Variants in PLCB1 observed in about 807,000 individuals in gnomAD.
The protein encoded by PLCB1 is phospholipase C beta 1, also known as 1-phosphatidylinositol 4,5-bisphosphate phosphodiesterase beta-1.
Under a neutral mutation model 161.8 loss-of-function variants are expected in PLCB1, and 46 were observed. The observed-to-expected ratio is 0.28, with a 90% CI of 0.22 to 0.36. The LOEUF (loss-of-function observed/expected upper bound fraction) is 0.36, where lower values mean the gene tolerates loss of function less well. Ranked by LOEUF, PLCB1 falls within the 10% of genes least tolerant of loss-of-function variation. The pLI is 1.00. For missense variants in PLCB1, 1,016 were observed against 1,472.5 expected (o/e 0.69, Z 5.07); for synonymous variants, 517 against 503.7 (o/e 1.03, Z -0.35).
intron 4 of PLCB1, among the ~76,000 whole-genome samples, chr20:8,638,627 G>A (rs6077401): frequency 0.14 from 22,024 of 152,108 alleles, 1,587 homozygotes; most frequent in Middle Eastern, 0.21. Flanking sequence ...GAACTAGGAC[G>A]TAGAAGTGAT....
chr20:8,836,768 T>A (rs1462796428), intron 31 of PLCB1, among the ~76,000 whole-genome samples: 1 of 152,160 alleles, frequency 6.6e-6, no homozygotes, highest in Non-Finnish European at 1.5e-5. Flanking sequence ...TGTAAAGAGA[T>A]TGGCTTCTAT....
chr20:8,569,860 C>A (rs1259775401), intron 3 of PLCB1, among the ~76,000 whole-genome samples: 1 of 152,090 alleles, frequency 6.6e-6, no homozygotes, highest in Non-Finnish European at 1.5e-5. Flanking sequence ...AATTTACTAC[C>A]AGTGTCAATT....
At chr20:8,290,243 T>G (rs1163412674) in intron 2 of PLCB1, among the ~76,000 whole-genome samples, 3 of 152,198 alleles carry the variant, frequency 2.0e-5, no homozygotes, top group African/African-American at 7.2e-5. Flanking sequence ...TGGATTACTC[T>G]GTCTTGGTTT....
chr20:8,261,025 G>T (rs183335988), intron 2 of PLCB1, among the ~76,000 whole-genome samples: 1 of 152,258 alleles, frequency 6.6e-6, no homozygotes, highest in East Asian at 1.9e-4. Flanking sequence ...CCCTTGTGTT[G>T]CAATCCATGC....
At chr20:8,758,905 G>A (rs1419244996) in intron 24 of PLCB1, among the ~76,000 whole-genome samples, 2 of 152,126 alleles carry the variant, frequency 1.3e-5, no homozygotes, top group East Asian at 1.9e-4. Context: ...GGGATCATGG[G>A]GCAATCATCA....
intron 31 of PLCB1, among the ~76,000 whole-genome samples, chr20:8,861,644 C>T (rs575105756): frequency 3.8e-4 from 57 of 150,426 alleles, no homozygotes; most frequent in African/African-American, 1.3e-3. Context: ...GCAGGAGAAT[C>T]GCTTGAACCC....
intron 3 of PLCB1, among the ~76,000 whole-genome samples, chr20:8,523,769 G>A (rs995824409): frequency 7.3e-5 from 11 of 151,556 alleles, no homozygotes; most frequent in South Asian, 2.1e-4. Flanking sequence ...AGATCATTGC[G>A]CATTGGGAGG....
At chr20:8,555,208 T>G (rs1985911022) in intron 3 of PLCB1, among the ~76,000 whole-genome samples, 1 of 152,066 alleles carries the variant, frequency 6.6e-6, no homozygotes, top group Admixed American at 6.6e-5. Flanking sequence ...CTGCTGTTTT[T>G]GCTGACTTCA....
chr20:8,289,769 A>C (rs952792222), intron 2 of PLCB1, among the ~76,000 whole-genome samples: 2 of 152,192 alleles, frequency 1.3e-5, no homozygotes, highest in Non-Finnish European at 2.9e-5. Context: ...TTGAACGAGC[A>C]TGACTCAATG....
intron 6 of PLCB1, 84 bp downstream of exon 6, chr20:8,648,037 A>G (rs1989213864): frequency 2.0e-6 from 2 of 1,014,796 alleles, no homozygotes; most frequent in Non-Finnish European, 2.9e-6. Flanking sequence ...TTGTTTCTCC[A>G]GCAGCCTAAG....
rs1179789469 is a variant in PLCB1 at position 8,558,919 on chromosome 20, C to A, written c.247-69375C>A. 5.9e-5 allele frequency among the ~76,000 whole-genome samples: 9 copies of A among 151,902 alleles called. No individual in the cohort carries two copies. The East Asian group carries it at 1.7e-3, about 29-fold the overall frequency. ...GCTGATAGAGTTTTTCACAAGTAGACCTGTCCTACAAGAAATGGTAAGGAG... is the reference window on the plus strand; with the variant it reads ...GCTGATAGAGTTTTTCACAAGTAGAACTGTCCTACAAGAAATGGTAAGGAG... On this transcript the variant is annotated intron_variant, in intron 3 of 31. Transcript: ENST00000338037.
intron 6 of PLCB1, 62 bp downstream of exon 6, chr20:8,648,015 C>A: frequency 8.2e-7 from 1 of 1,224,578 alleles, no homozygotes; most frequent in Non-Finnish European, 1.1e-6. Flanking sequence ...GAATCCATGC[C>A]ATGGCTCTGT....
At chr20:8,763,601 G>A (rs1982156781) in intron 25 of PLCB1, among the ~76,000 whole-genome samples, 2 of 151,858 alleles carry the variant, frequency 1.3e-5, no homozygotes, top group African/African-American at 4.8e-5. Flanking sequence ...TGGCCAGGCT[G>A]GTCTCGAACT....
chr20:8,410,971 C>T (rs559501064), intron 3 of PLCB1, among the ~76,000 whole-genome samples: 10 of 152,300 alleles, frequency 6.6e-5, no homozygotes, highest in Middle Eastern at 3.4e-3. Flanking sequence ...CTGAATCTCC[C>T]GTAGCAGCGT....
At chr20:8,616,940 G>A (rs998036261) in intron 3 of PLCB1, among the ~76,000 whole-genome samples, 48 of 152,178 alleles carry the variant, frequency 3.2e-4, no homozygotes, top group African/African-American at 1.2e-3. Context: ...TATTCTTGGG[G>A]AATACTCAGA....
At chr20:8,263,723 A>ATGT (rs2123247550) in intron 2 of PLCB1, among the ~76,000 whole-genome samples, 1 of 152,296 alleles carries the variant, frequency 6.6e-6, no homozygotes, top group Admixed American at 6.5e-5. Flanking sequence ...TCATGTATCT[A>ATGT]AATGTATGTA....
intron 2 of PLCB1, among the ~76,000 whole-genome samples, chr20:8,233,519 G>T (rs1305772079): frequency 3.9e-5 from 6 of 152,140 alleles, no homozygotes; most frequent in Non-Finnish European, 8.8e-5. Context: ...ACTTGGTTAA[G>T]TTGATTATTT....
chr20:8,581,475 T>G (rs1986831410), intron 3 of PLCB1, among the ~76,000 whole-genome samples: 1 of 152,300 alleles, frequency 6.6e-6, no homozygotes, highest in South Asian at 2.1e-4. Context: ...TATGGGACAA[T>G]TTTGGATGTC....
intron 3 of PLCB1, among the ~76,000 whole-genome samples, chr20:8,418,257 G>T (rs1979387613): frequency 6.6e-6 from 1 of 152,166 alleles, no homozygotes; most frequent in Non-Finnish European, 1.5e-5. Context: ...CCTCAGTTTT[G>T]TAAGAGTGAA....
Sources: allele counts gnomAD v4.1 joint callset (sites outside exome capture counted in the v4.1 genomes callset), GRCh38; gene constraint gnomAD v4.1.1; transcripts MANE v1.5; gene names NCBI Gene and HGNC (gene_info 2026-07-23, HGNC 2026-07-21).